The following GCNT1 variants were observed in gnomAD, a reference collection of about 807,000 sequenced individuals.
GCNT1 encodes beta-1,3-galactosyl-O-glycosyl-glycoprotein beta-1,6-N-acetylglucosaminyltransferase.
GCNT1 carries 16 observed loss-of-function variants against 26.2 expected under a neutral mutation model. The observed-to-expected ratio is 0.61, with a 90% confidence interval of 0.41 to 0.93. The LOEUF (loss-of-function observed/expected upper bound fraction) is 0.93, where lower values mean the gene tolerates loss of function less well. Ranked by LOEUF, GCNT1 falls within the 40% of genes least tolerant of loss-of-function variation. The pLI is 0.00. For synonymous variants in GCNT1, 183 were observed against 190.8 expected (o/e 0.96, Z 0.34); for missense variants, 477 against 526.7 (o/e 0.91, Z 0.92).
At chr9:76,399,510 C>T in the GCNT1 span, 5 of 1,590,096 alleles carry the variant, frequency 3.1e-6, no homozygotes, top group Admixed American at 5.0e-5. Flanking sequence ...AGCGCTCAGC[C>T]TGCCACGGAA....
the GCNT1 span, among the ~76,000 whole-genome samples, chr9:76,397,934 CATTT>C: frequency 6.6e-6 from 1 of 152,232 alleles, no homozygotes; most frequent in African/African-American, 2.4e-5. Context: ...TTTTCTTCTT[CATTT>C]GACTCCAAAA....
chr9:76,469,460 T>G lies in GCNT1; in HGVS notation c.-290+9283T>G, dbSNP rs58710746. On this transcript the variant is annotated intron_variant, in intron 2 of 3. Transcript: ENST00000376730. The stretch of plus-strand genomic sequence containing the variant: ...AGCGGGAGGGACAATGATCAGGACA[T>G]AAACCCAGGCATTCCAGCCAGCAAC... Among the ~76,000 whole-genome samples the G allele has an allele frequency of 2.8e-4, 43 of 152,298 alleles. No homozygotes were observed. The East Asian group carries it at 7.7e-3, about 27-fold the overall frequency.
chr9:76,419,038 G>T (rs913372283), upstream of GCNT1, among the ~76,000 whole-genome samples: 2 of 152,146 alleles, frequency 1.3e-5, no homozygotes, highest in Non-Finnish European at 2.9e-5. Context: ...GAGAGACCTC[G>T]AGGCTGCTTC....
chr9:76,501,887 G>A (rs1194224041), intron 3 of GCNT1: 1 of 152,198 alleles, frequency 6.6e-6, no homozygotes, highest in Non-Finnish European at 1.5e-5. Flanking sequence ...AATCATTATT[G>A]CCTAGGCGTC....
chr9:76,494,541 C>T (rs758944514), intron 2 of GCNT1, among the ~76,000 whole-genome samples: 1 of 152,114 alleles, frequency 6.6e-6, no homozygotes, highest in African/African-American at 2.4e-5. Context: ...TTTGTTAGGC[C>T]TGCTAGTCTG....
chr9:76,488,407 T>A (rs940636027), intron 2 of GCNT1, among the ~76,000 whole-genome samples: 1 of 152,182 alleles, frequency 6.6e-6, no homozygotes, highest in Non-Finnish European at 1.5e-5. Context: ...ATGTTTTGTT[T>A]TATTTTCTCA....
intron 1 of GCNT1, among the ~76,000 whole-genome samples, chr9:76,428,265 C>CAAAAAAAAAAAAAAAAA (rs869195487): frequency 4.0e-4 from 12 of 29,762 alleles, no homozygotes; most frequent in African/African-American, 8.1e-4. Flanking sequence ...GACTCCGTCT[C>CAAAAAAAAAAAAAAAAA]AAAAAAAAAA....
chr9:76,486,807 G>A (rs1004998949), intron 2 of GCNT1, among the ~76,000 whole-genome samples: 3 of 152,174 alleles, frequency 2.0e-5, no homozygotes, highest in Admixed American at 2.0e-4. Flanking sequence ...TGGGTGCAGT[G>A]GCTCATGCCT....
intron 1 of GCNT1, among the ~76,000 whole-genome samples, chr9:76,421,600 C>CAAA (rs1231879648): frequency 0.044 from 2,516 of 57,066 alleles, 46 homozygotes; most frequent in Non-Finnish European, 0.064. Flanking sequence ...GGCCCTGTCT[C>CAAA]AAAAAAAAAA....
upstream of GCNT1, among the ~76,000 whole-genome samples, chr9:76,415,126 A>T (rs1823121614): frequency 6.6e-6 from 1 of 151,882 alleles, no homozygotes; most frequent in Non-Finnish European, 1.5e-5. Flanking sequence ...TGACACGATC[A>T]TGTCTTACTG....
intron 1 of GCNT1, among the ~76,000 whole-genome samples, chr9:76,423,980 T>C (rs1823230823): frequency 6.6e-6 from 1 of 152,262 alleles, no homozygotes; most frequent in Non-Finnish European, 1.5e-5. Context: ...TATTACTTTC[T>C]ACCTTGCATT....
chr9:76,437,011 G>T (rs1823419402), upstream of GCNT1, among the ~76,000 whole-genome samples: 1 of 152,076 alleles, frequency 6.6e-6, no homozygotes, highest in African/African-American at 2.4e-5. Flanking sequence ...TAATGTAAAT[G>T]ATAAGTTAAC....
rs770290150 is a variant in GCNT1 at position 76,502,669 on chromosome 9, G to C, written c.288G>C (p.Met96Ile). The C allele has an allele frequency of 1.2e-5, 19 of 1,613,966 alleles. No individual in the cohort carries two copies. The South Asian group carries it at 1.8e-4, about 15-fold the overall frequency. The change falls in exon 4 of 4, where the codon ATG (methionine) becomes ATC (isoleucine). Residue 96 changes from methionine to isoleucine, a missense_variant. Coordinates refer to ENST00000376730, the MANE Select transcript of GCNT1 (RefSeq NM_001490.5). Reference protein sequence around the residue: ...PRWTPDDYINMTSDCSSFIKR... With the variant: ...PRWTPDDYINITSDCSSFIKR... ...GGACACCTGACGACTATATAAACAT[G>C]ACCAGTGACTGTTCTTCTTTCATCA...
intron 1 of GCNT1, among the ~76,000 whole-genome samples, chr9:76,447,182 A>G (rs13298535): frequency 7.3e-6 from 1 of 137,922 alleles, no homozygotes; most frequent in African/African-American, 2.7e-5. Context: ...AAAAAAAAAG[A>G]ACAGATATGG....
intron 1 of GCNT1, among the ~76,000 whole-genome samples, chr9:76,430,153 T>C (rs1314083478): frequency 6.6e-6 from 1 of 152,226 alleles, no homozygotes; most frequent in Admixed American, 6.5e-5. Context: ...TAAAGCGTTA[T>C]GTATACAGGA....
chr9:76,402,486 CA>C, the GCNT1 span, among the ~76,000 whole-genome samples: 18 of 151,358 alleles, frequency 1.2e-4, no homozygotes, highest in Middle Eastern at 6.8e-3. Context: ...TATTTTGCAC[CA>C]AAAAAAAGCA....
chr9:76,408,137 A>G, the GCNT1 span, among the ~76,000 whole-genome samples: 5 of 152,110 alleles, frequency 3.3e-5, no homozygotes, highest in South Asian at 1.0e-3. Flanking sequence ...TTCTTTCCTT[A>G]CTGCATTAGT....
At chr9:76,414,194 A>T in the GCNT1 span, among the ~76,000 whole-genome samples, 1 of 152,214 alleles carries the variant, frequency 6.6e-6, no homozygotes, top group Admixed American at 6.5e-5. Context: ...CATCACTGCC[A>T]TATCTAGTCT....
rs116734821 is a variant in GCNT1 at position 76,429,573 on chromosome 9, T to C, written n.38+9686T>C. On this transcript the variant is annotated intron_variant and non_coding_transcript_variant, in intron 1 of 3. Transcript: ENST00000488136. ...GCCAGGACTGGATTTTCTAAGATAG[T>C]TTATTCATATGTGACAGCTGGAGTC... is the stretch of plus-strand genomic sequence containing the variant. Among the ~76,000 whole-genome samples the C allele has an allele frequency of 2.6e-3, 400 of 152,222 alleles. 1 individual carries two copies. Among genetic ancestry groups the C allele is most frequent in the African/African-American group, 9.3e-3 (387 of 41,534 alleles).
Sources: gnomAD v4.1 joint callset for allele counts (sites outside exome capture counted in the v4.1 genomes callset) on GRCh38, gnomAD v4.1.1 for gene constraint, MANE v1.5 for transcripts, NCBI Gene and HGNC (gene_info 2026-07-23, HGNC 2026-07-21) for gene names.